NEB: variants seen among roughly 807,000 people sequenced by gnomAD.
NEB encodes the protein nebulin.
In NEB, 512 loss-of-function variants were observed where a neutral mutation model predicts 952.2. The observed-to-expected ratio is 0.54, with a 90% CI of 0.50 to 0.58. The LOEUF (loss-of-function observed/expected upper bound fraction) is 0.58. Among genes scored for constraint, NEB ranks in the 20% least tolerant of loss-of-function variants. The pLI is 0.00. For missense variants in NEB, 8,428 were observed against 9,231.1 expected (o/e 0.91, Z 3.56); for synonymous variants, 2,900 against 3,149.8 (o/e 0.92, Z 2.66).
chr2:151,537,410 G>C (rs2093365543), intron 140 of NEB, among the ~76,000 whole-genome samples, 174 bp from the exon 141 acceptor site: 1 of 152,114 alleles, frequency 6.6e-6, no homozygotes, highest in Non-Finnish European at 1.5e-5. Flanking sequence ...TTGGTATATT[G>C]TTTTATAACA....
Position 151,554,987 on chromosome 2 carries a change from C to T in NEB, c.19372G>A (p.Val6458Ile), listed in dbSNP as rs774608228. The part of the protein sequence containing the change: ...FKALYTLPRS[V>I]DDDPNTARCL... ...CGTGCTGTGTTCGGATCATCGTCAACACTTCTTGGTAACGTATAAAGAGCT... is the reference window on the plus strand; with the variant it reads ...CGTGCTGTGTTCGGATCATCGTCAATACTTCTTGGTAACGTATAAAGAGCT... Residue 6458 changes from valine to isoleucine, a missense_variant, in exon 125 of 182, where the codon GTT becomes ATT. By Grantham distance (29) the Val-to-Ile change is conservative. Around this residue, in one of 11 missense-constraint regions of NEB, gnomAD observed 3,374 missense variants for 3,651.5 expected, o/e 0.92. Coordinates refer to ENST00000397345, the MANE Select transcript of NEB (RefSeq NM_001164508.2). 1 of 1,613,774 alleles carries T rather than the reference C, an allele frequency of 6.2e-7. No individual in the cohort carries two copies. The highest frequency in any genetic ancestry group is 1.3e-5 in the African/African-American group (1 of 74,932).
chr2:151,717,915 G>A (rs973513330), intron 9 of NEB, among the ~76,000 whole-genome samples: 1 of 150,106 alleles, frequency 6.7e-6, no homozygotes, highest in African/African-American at 2.4e-5. Flanking sequence ...ATGCAGTAGC[G>A]CGATCTCGGC....
At chr2:151,531,693 G>T in intron 144 of NEB, 99 bp downstream of exon 144, 1 of 866,812 alleles carries the variant, frequency 1.2e-6, no homozygotes, top group South Asian at 1.4e-5. Flanking sequence ...CCCACTAAAT[G>T]GCAGTAGTCT....
intron 23 of NEB, 144 bp from the exon 24 acceptor site, chr2:151,690,969 C>A: frequency 1.6e-6 from 1 of 642,912 alleles, no homozygotes; most frequent in Non-Finnish European, 2.8e-6. Context: ...ACTTCTCTGT[C>A]TGTCTCTCTC....
At chr2:151,636,591 C>T (rs555038381) in intron 63 of NEB, among the ~76,000 whole-genome samples, 43 of 152,132 alleles carry the variant, frequency 2.8e-4, no homozygotes, top group Non-Finnish European at 5.0e-4. Flanking sequence ...ACCAGCATGG[C>T]CAACATGGTG....
chr2:151,665,234 CAGAA>C, intron 42 of NEB, 95 bp downstream of exon 42: 1 of 1,150,588 alleles, frequency 8.7e-7, no homozygotes, highest in Non-Finnish European at 1.3e-6. Flanking sequence ...CGAAGACGAT[CAGAA>C]AGAAACACTG....
intron 30 of NEB, 60 bp from the exon 31 acceptor site, chr2:151,680,082 C>A: frequency 8.0e-7 from 1 of 1,249,998 alleles, no homozygotes; most frequent in South Asian, 1.2e-5. Context: ...TTAATGGCAC[C>A]AGAAAATAAT....
chr2:151,498,101 A>AT, intron 170 of NEB, 159 bp downstream of exon 170: 1 of 1,480,188 alleles, frequency 6.8e-7, no homozygotes, highest in Non-Finnish European at 9.0e-7. Flanking sequence ...AAAAATTGAC[A>AT]TTAACTGTAT....
chr2:151,661,459 A>G (rs1049951893), intron 46 of NEB, among the ~76,000 whole-genome samples: 1 of 152,124 alleles, frequency 6.6e-6, no homozygotes, highest in Non-Finnish European at 1.5e-5. Context: ...TTAGATCCAA[A>G]TCATCTTTTT....
chr2:151,625,346 C>A (rs1247332434), intron 71 of NEB, among the ~76,000 whole-genome samples, 188 bp downstream of exon 71: 6 of 152,064 alleles, frequency 3.9e-5, no homozygotes, highest in African/African-American at 1.4e-4. Flanking sequence ...ATCTGTCTGT[C>A]TAATCTATCT....
Position 151,678,902 on chromosome 2 carries a change from T to C in NEB, c.3256-715A>G, listed in dbSNP as rs543373554. Among the ~76,000 whole-genome samples the C allele has an allele frequency of 3.9e-5, 6 of 152,246 alleles. No homozygotes were observed. In the South Asian group the frequency reaches 1.2e-3, roughly 32 times the overall value. On this transcript the variant is annotated intron_variant, in intron 32 of 181. Coordinates refer to ENST00000397345, the MANE Select transcript of NEB (RefSeq NM_001164508.2). ...CAGAACGAGGACATTTGTTATTCAATCATCACATATTTACACTGGTGCGAT... is the reference window on the plus strand; with the variant it reads ...CAGAACGAGGACATTTGTTATTCAACCATCACATATTTACACTGGTGCGAT...
At chr2:151,642,211 T>G (rs559449907) in intron 60 of NEB, among the ~76,000 whole-genome samples, 4 of 152,314 alleles carry the variant, frequency 2.6e-5, no homozygotes, top group African/African-American at 9.6e-5. Context: ...CCCTTGTAGA[T>G]TCATTGGTTC....
In NEB at chr2:151,514,874, G is replaced by T; in HGVS notation, c.22960C>A (p.Leu7654Met). 1 of 1,588,574 alleles carries T rather than the reference G, an allele frequency of 6.3e-7. No individual in the cohort carries two copies. The highest frequency in any genetic ancestry group is 1.8e-5 in the Admixed American group (1 of 56,552). Reference sequence around the variant, plus strand: ...TGTAACAAAGCTGGCGTGACCTCCAGGCCAGTCAGGTTTCTGCCTTTAATG... The same window carrying T: ...TGTAACAAAGCTGGCGTGACCTCCATGCCAGTCAGGTTTCTGCCTTTAATG... ...ESIKGRNLTG[L>M]EVTPALLHVK... The change falls in exon 158 of 182, where the codon CTG becomes ATG. Residue 7654 changes from leucine to methionine, a missense_variant. Transcript: ENST00000397345.
intron 161 of NEB, among the ~76,000 whole-genome samples, chr2:151,511,115 C>G (rs1001698001): frequency 1.3e-5 from 2 of 152,210 alleles, no homozygotes; most frequent in Non-Finnish European, 2.9e-5. Context: ...CATGCTGAAG[C>G]TTTCGTTAAA....
chr2:151,616,077 C>T lies in NEB; in HGVS notation c.11214G>A (p.Lys3738=). ...KLYKLALEES[K]KEGYDLRLDA... is the part of the protein sequence containing the mutation. ...CCAGACGCAAGTCATAGCCTTCCTT[C>T]TTGGACTCTTCCAAAGCAAGTTTAT... Residue 3738 remains lysine, a synonymous_variant, in exon 76 of 182, where the codon AAG becomes AAA. Transcript: ENST00000397345. The T allele has an allele frequency of 1.9e-6, 3 of 1,612,912 alleles. No individual in the cohort carries two copies. The highest frequency in any genetic ancestry group is 2.5e-6 in the Non-Finnish European group (3 of 1,179,490).
intron 181 of NEB, among the ~76,000 whole-genome samples, chr2:151,489,610 T>G (rs1342052791): frequency 6.6e-6 from 1 of 152,116 alleles, no homozygotes; most frequent in African/African-American, 2.4e-5. Context: ...TTGCCTAGGC[T>G]GGTCTCAAAC....
Position 151,687,866 on chromosome 2 carries a change from T to C in NEB, c.2416-133A>G, listed in dbSNP as rs1015488423. The stretch of plus-strand genomic sequence containing the variant: ...AAAAACTATATTTATCAAATTGTAG[T>C]ATAAGTATTGATTTATCTATCATCC... On this transcript the variant is annotated intron_variant, in intron 25 of 181. Transcript: ENST00000397345. 5.8e-6 allele frequency: 5 copies of C among 857,202 alleles called. No individual in the cohort carries two copies. The Admixed American group carries it at 1.2e-4, about 21-fold the overall frequency. The allele number at this position is 857,202 out of a possible 1,614,324, so 53.1% of individuals were successfully genotyped here.
rs567213467 is a variant in NEB, at chr2:151,639,754, G to A, written c.8889+103C>T. Reference sequence around the variant, plus strand: ...CAATAGATACATAGACAGATAGATAGATGCCTTTTATTACTCAATGTTCTT... The same window carrying A: ...CAATAGATACATAGACAGATAGATAAATGCCTTTTATTACTCAATGTTCTT... On this transcript the variant is annotated intron_variant, in intron 62 of 181. Transcript: ENST00000397345. 8 of 963,822 alleles carry A rather than the reference G, an allele frequency of 8.3e-6. No individual in the cohort carries two copies. In the South Asian group the frequency reaches 1.4e-4, roughly 17 times the overall value. 59.7% of individuals were successfully genotyped at this position (963,822 alleles called of 1,614,324 possible).
chr2:151,648,366 A>C (rs923740275), intron 54 of NEB, among the ~76,000 whole-genome samples: 1 of 152,222 alleles, frequency 6.6e-6, no homozygotes, highest in Non-Finnish European at 1.5e-5. Context: ...CAAACAAAGC[A>C]AGGCTTGTTA....
Sources: gnomAD v4.1 joint callset for allele counts (sites outside exome capture counted in the v4.1 genomes callset) on GRCh38, gnomAD v4.1.1 for gene constraint, gnomAD v4.1.1 regional missense constraint, MANE v1.5 for transcripts, NCBI Gene and HGNC (gene_info 2026-07-23, HGNC 2026-07-21) for gene names.